Variants in LRRC4C observed in about 807,000 individuals in gnomAD.
LRRC4C encodes the protein leucine-rich repeat-containing protein 4C.
Under a neutral mutation model 33.6 loss-of-function variants are expected in LRRC4C, and 5 were observed. The ratio of observed to expected loss-of-function variants is 0.15; its 90% CI spans 0.08 to 0.31. The LOEUF is 0.31. LRRC4C is among the 10% of genes least tolerant of loss of function. The pLI is 1.00. For synonymous variants in LRRC4C, 329 were observed against 302.0 expected (o/e 1.09, Z -0.93); for missense variants, 560 against 796.7 (o/e 0.70, Z 3.58).
At chr11:41,311,872 G>A (rs1429053265) in intron 1 of LRRC4C, among the ~76,000 whole-genome samples, 2 of 151,988 alleles carry the variant, frequency 1.3e-5, no homozygotes, top group East Asian at 3.9e-4. Context: ...TCCCTGTATT[G>A]TGACAATCAG....
At chr11:40,577,533 A>G (rs974875403) in intron 3 of LRRC4C, among the ~76,000 whole-genome samples, 1 of 152,202 alleles carries the variant, frequency 6.6e-6, no homozygotes, top group Non-Finnish European at 1.5e-5. Flanking sequence ...GGGGTAGTGA[A>G]AACAGAGGAA....
At chr11:40,200,371 A>C (rs537895883) in intron 5 of LRRC4C, among the ~76,000 whole-genome samples, 49 of 151,630 alleles carry the variant, frequency 3.2e-4, no homozygotes, top group Admixed American at 1.8e-3. Flanking sequence ...CTCAAAACAA[A>C]ACAAAACTCT....
intron 3 of LRRC4C, among the ~76,000 whole-genome samples, chr11:40,455,408 C>T (rs915701206): frequency 6.6e-6 from 1 of 152,276 alleles, no homozygotes; most frequent in East Asian, 1.9e-4. Context: ...AGGCAGGAAG[C>T]TAGGCAACAC....
At chr11:40,834,907 G>GACACACAC (rs778150169) in intron 2 of LRRC4C, among the ~76,000 whole-genome samples, 308 of 45,230 alleles carry the variant, frequency 6.8e-3, no homozygotes, top group Middle Eastern at 0.012. Flanking sequence ...CAGACAGACA[G>GACACACAC]ACAGACACAC....
chr11:40,933,441 T>C (rs576616901), intron 2 of LRRC4C, among the ~76,000 whole-genome samples, 194 bp downstream of exon 2: 2 of 152,376 alleles, frequency 1.3e-5, no homozygotes, highest in South Asian at 4.1e-4. Context: ...TGAAACAACG[T>C]TTCTTTCTAC....
chr11:41,398,493 G>C (rs918632664), intron 1 of LRRC4C, among the ~76,000 whole-genome samples: 1 of 151,790 alleles, frequency 6.6e-6, no homozygotes, highest in African/African-American at 2.4e-5. Flanking sequence ...ACATTTTATT[G>C]CTGTCCTAGT....
intron 1 of LRRC4C, among the ~76,000 whole-genome samples, chr11:41,345,949 T>C (rs1477747684): frequency 1.4e-5 from 2 of 145,944 alleles, no homozygotes; most frequent in Non-Finnish European, 3.0e-5. Context: ...AAGGTCACTC[T>C]GATGGCCATA....
chr11:40,855,800 A>G (rs978660662), intron 2 of LRRC4C, among the ~76,000 whole-genome samples: 3 of 152,020 alleles, frequency 2.0e-5, no homozygotes, highest in African/African-American at 7.2e-5. Context: ...TTTTTTATAA[A>G]CTTAACTTAA....
At chr11:40,153,755 T>G (rs80000682) in intron 5 of LRRC4C, among the ~76,000 whole-genome samples, 1 of 151,810 alleles carries the variant, frequency 6.6e-6, no homozygotes, top group African/African-American at 2.4e-5. Context: ...GAAAAAAGAA[T>G]AAGAAAATAT....
chr11:40,283,145 C>A (rs986416459), intron 4 of LRRC4C, among the ~76,000 whole-genome samples: 1 of 152,202 alleles, frequency 6.6e-6, no homozygotes, highest in Non-Finnish European at 1.5e-5. Flanking sequence ...TACATTACCA[C>A]ACCTACAGTA....
At chr11:40,853,725 G>A (rs1953625716) in intron 2 of LRRC4C, among the ~76,000 whole-genome samples, 1 of 152,182 alleles carries the variant, frequency 6.6e-6, no homozygotes, top group South Asian at 2.1e-4. Context: ...TCTTGGCAAT[G>A]ATTAGAGGAC....
intron 2 of LRRC4C, among the ~76,000 whole-genome samples, chr11:40,902,199 C>T (rs1956239673): frequency 6.6e-6 from 1 of 152,020 alleles, no homozygotes; most frequent in Non-Finnish European, 1.5e-5. Context: ...TTGTAATTCT[C>T]ACAATATTTG....
intron 1 of LRRC4C, among the ~76,000 whole-genome samples, chr11:41,128,935 C>T (rs1021739719): frequency 2.4e-4 from 36 of 151,794 alleles, no homozygotes; most frequent in African/African-American, 4.8e-5. Flanking sequence ...TTATCTTCAA[C>T]GAGTGTTTAT....
At chr11:40,842,267 C>T (rs1482116751) in intron 2 of LRRC4C, among the ~76,000 whole-genome samples, 1 of 152,140 alleles carries the variant, frequency 6.6e-6, no homozygotes, top group Admixed American at 6.6e-5. Context: ...CATGCAGCTT[C>T]TGCCTCCTGC....
intron 2 of LRRC4C, among the ~76,000 whole-genome samples, chr11:40,795,824 CAGA>C (rs1206231833): frequency 1.3e-5 from 2 of 152,088 alleles, no homozygotes; most frequent in Non-Finnish European, 2.9e-5. Flanking sequence ...GTGTAAATTA[CAGA>C]AGAATATTCA....
intron 2 of LRRC4C, among the ~76,000 whole-genome samples, chr11:40,923,054 A>C (rs1021523815): frequency 6.6e-6 from 1 of 152,074 alleles, no homozygotes; most frequent in African/African-American, 2.4e-5. Flanking sequence ...TAAACTCCTG[A>C]CCTCAGGTGA....
At chr11:40,763,896 A>G (rs914276120) in intron 2 of LRRC4C, among the ~76,000 whole-genome samples, 3 of 152,158 alleles carry the variant, frequency 2.0e-5, no homozygotes, top group African/African-American at 7.2e-5. Context: ...ACAGGGCTGC[A>G]ATTCCTAGGC....
In LRRC4C at chr11:40,971,864, G is replaced by T. The variant is rs538505626; in HGVS notation, c.-495-38141C>A. On this transcript the variant is annotated intron_variant, in intron 1 of 6. Coordinates refer to ENST00000528697, the MANE Select transcript of LRRC4C (RefSeq NM_001258419.2). ...GACAGAAAGTCAAGGAGATTATTTT[G>T]AAGCTTTCAGATTTAATGACTCTCC... is the stretch of plus-strand genomic sequence containing the variant. 1.1e-3 allele frequency among the ~76,000 whole-genome samples: 174 copies of T among 152,282 alleles called. 1 individual carries two copies. The highest frequency in any genetic ancestry group is 1.8e-3 in the Non-Finnish European group (125 of 68,036).
intron 3 of LRRC4C, among the ~76,000 whole-genome samples, chr11:40,607,373 C>G (rs970499716): frequency 1.3e-5 from 2 of 152,160 alleles, no homozygotes; most frequent in Non-Finnish European, 2.9e-5. Flanking sequence ...TTCAAGACAA[C>G]TTTGGTCTGC....
Sources: gnomAD v4.1 joint callset for allele counts (sites outside exome capture counted in the v4.1 genomes callset) on GRCh38, gnomAD v4.1.1 for gene constraint, MANE v1.5 for transcripts, NCBI Gene and HGNC (gene_info 2026-07-23, HGNC 2026-07-21) for gene names.